BBX: variants seen among roughly 807,000 people sequenced by gnomAD.
The protein encoded by BBX is HMG box transcription factor BBX.
Under a neutral mutation model 100.2 loss-of-function variants are expected in BBX, and 30 were observed. The observed-to-expected ratio is 0.30, with a 90% CI of 0.22 to 0.41. The LOEUF is 0.41. BBX is among the 10% of genes least tolerant of loss of function. BBX has a pLI of 1.00. For missense variants in BBX, 1,023 were observed against 1,129.8 expected (o/e 0.91, Z 1.35); for synonymous variants, 376 against 388.1 (o/e 0.97, Z 0.37).
At chr3:107,592,216 A>G (rs2107594437) in intron 2 of BBX, among the ~76,000 whole-genome samples, 2 of 152,110 alleles carry the variant, frequency 1.3e-5, no homozygotes, top group East Asian at 3.9e-4. Context: ...ATGGTGTATT[A>G]AACAGCTGGG....
At chr3:107,536,321 A>G (rs2048487911) in intron 2 of BBX, among the ~76,000 whole-genome samples, 1 of 152,240 alleles carries the variant, frequency 6.6e-6, no homozygotes, top group South Asian at 2.1e-4. Flanking sequence ...AATTCAGCAA[A>G]GTCAGAGCCT....
intron 2 of BBX, among the ~76,000 whole-genome samples, chr3:107,579,992 G>A (rs113957225): frequency 0.033 from 5,056 of 151,960 alleles, 111 homozygotes; most frequent in Non-Finnish European, 0.048. Context: ...TATTTATGGC[G>A]GTGGATTTTT....
At chr3:107,795,693 C>T (rs939723771) in intron 15 of BBX, among the ~76,000 whole-genome samples, 7 of 127,036 alleles carry the variant, frequency 5.5e-5, no homozygotes, top group Admixed American at 2.8e-4. Context: ...CTCCAATATA[C>T]TGACCCTTGG....
chr3:107,663,801 CT>C (rs869105091), intron 3 of BBX, among the ~76,000 whole-genome samples: 3 of 139,592 alleles, frequency 2.1e-5, no homozygotes. Flanking sequence ...CTTTCTTTCT[CT>C]TTTTTTTCCT....
intron 15 of BBX, among the ~76,000 whole-genome samples, chr3:107,793,211 C>T (rs1024903304): frequency 6.6e-6 from 1 of 152,130 alleles, no homozygotes; most frequent in African/African-American, 2.4e-5. Flanking sequence ...GTACTATATT[C>T]TGTAGCCCTA....
At chr3:107,711,268 C>T (rs755989871) in intron 4 of BBX, 1 of 467,012 alleles carries the variant, frequency 2.1e-6, no homozygotes, top group South Asian at 1.6e-5. Context: ...TGTCTGTCTT[C>T]TCTCAGACCA....
At chr3:107,692,515 G>A (rs1220521127) in intron 3 of BBX, among the ~76,000 whole-genome samples, 1 of 152,160 alleles carries the variant, frequency 6.6e-6, no homozygotes, top group African/African-American at 2.4e-5. Flanking sequence ...CCCTACAAAG[G>A]ACATGAACTC....
chr3:107,544,481 G>A (rs576065116), intron 2 of BBX, among the ~76,000 whole-genome samples: 9 of 152,104 alleles, frequency 5.9e-5, no homozygotes, highest in Non-Finnish European at 1.0e-4. Flanking sequence ...TTAGACATGA[G>A]ATGTTAAAAC....
chr3:107,598,069 T>A (rs758336520), intron 2 of BBX, among the ~76,000 whole-genome samples: 28 of 152,212 alleles, frequency 1.8e-4, no homozygotes, highest in Non-Finnish European at 3.2e-4. Flanking sequence ...ATTTACTACC[T>A]GTGTGCCTGC....
intron 2 of BBX, among the ~76,000 whole-genome samples, chr3:107,541,137 G>C (rs1470177436): frequency 6.6e-6 from 1 of 152,110 alleles, no homozygotes; most frequent in Non-Finnish European, 1.5e-5. Context: ...TGTTTGCTCT[G>C]TATAACCATG....
intron 3 of BBX, among the ~76,000 whole-genome samples, chr3:107,682,139 A>T (rs1003279317): frequency 1.1e-4 from 16 of 152,264 alleles, no homozygotes; most frequent in African/African-American, 3.8e-4. Context: ...GAATAAATTC[A>T]TGAAGATGTT....
At chr3:107,619,699 G>A (rs897762146) in intron 2 of BBX, among the ~76,000 whole-genome samples, 22 of 151,858 alleles carry the variant, frequency 1.4e-4, no homozygotes, top group Non-Finnish European at 2.9e-5. Context: ...ATTGCTGAAG[G>A]GTATTTTCAC....
chr3:107,616,239 AT>A (rs1166895718), intron 2 of BBX, among the ~76,000 whole-genome samples: 3 of 151,742 alleles, frequency 2.0e-5, no homozygotes, highest in African/African-American at 4.8e-5. Flanking sequence ...AGCGTTTCAG[AT>A]TCTGGATTTT....
At chr3:107,554,447 A>G (rs638030) in intron 2 of BBX, among the ~76,000 whole-genome samples, 43,750 of 152,010 alleles carry the variant, frequency 0.29, 6,779 homozygotes, top group African/African-American at 0.35. Flanking sequence ...TCTTGTGTTG[A>G]TTCCTTGGTT....
At chr3:107,561,432 A>G (rs550893180) in intron 2 of BBX, among the ~76,000 whole-genome samples, 1 of 152,310 alleles carries the variant, frequency 6.6e-6, no homozygotes, top group South Asian at 2.1e-4. Context: ...CTTATGTATA[A>G]GAATATTCAT....
chr3:107,657,900 G>A (rs1290838966), intron 3 of BBX, among the ~76,000 whole-genome samples: 2 of 152,030 alleles, frequency 1.3e-5, no homozygotes, highest in Non-Finnish European at 2.9e-5. Flanking sequence ...TCTTTGTTAA[G>A]GGAAGTCTAA....
At chr3:107,785,179 G>GAA (rs201420142) in intron 13 of BBX, among the ~76,000 whole-genome samples, 1 of 128,642 alleles carries the variant, frequency 7.8e-6, no homozygotes. Flanking sequence ...GTATCTGGGG[G>GAA]AAAAAAAAAA....
chr3:107,616,005 C>CTTTTTTTTTTTTTTTTTT (rs59614452), intron 2 of BBX, among the ~76,000 whole-genome samples: 5 of 19,248 alleles, frequency 2.6e-4, no homozygotes, highest in African/African-American at 5.1e-4. Flanking sequence ...TACTCACCTG[C>CTTTTTTTTTTTTTTTTTT]TTTTTTTTTT....
rs183752861 is a variant in BBX, at chr3:107,551,489, G to A, written c.-84+25091G>A. 4.8e-4 allele frequency among the ~76,000 whole-genome samples: 73 copies of A among 152,324 alleles called. 2 individuals carry two copies. In the East Asian group the frequency reaches 6.4e-3, roughly 13 times the overall value. ...GGGGGAAGCATTCTTCGGAAAAACC[G>A]TATCAGCTTTTGCTTTCACATCTAG... is the stretch of plus-strand genomic sequence containing the variant. On this transcript the variant is annotated intron_variant, in intron 2 of 17. Coordinates refer to ENST00000325805, the MANE Select transcript of BBX (RefSeq NM_001142568.3).
Sources: gnomAD v4.1 joint callset for allele counts (sites outside exome capture counted in the v4.1 genomes callset) on GRCh38, gnomAD v4.1.1 for gene constraint, MANE v1.5 for transcripts, NCBI Gene and HGNC (gene_info 2026-07-23, HGNC 2026-07-21) for gene names.